Variants in LRRFIP1 observed in about 807,000 individuals in gnomAD.
LRRFIP1 encodes the protein leucine-rich repeat flightless-interacting protein 1.
LRRFIP1 carries 62 observed loss-of-function variants against 104.4 expected under a neutral mutation model. That is an observed-to-expected ratio of 0.59 (90% CI 0.48 to 0.73). LRRFIP1 has a LOEUF of 0.73. Among genes scored for constraint, LRRFIP1 ranks in the 30% least tolerant of loss-of-function variants. LRRFIP1 has a pLI of 0.00. For missense variants in LRRFIP1, 796 were observed against 824.5 expected (o/e 0.97, Z 0.42); for synonymous variants, 300 against 299.0 (o/e 1.00, Z -0.03).
Position 237,691,996 on chromosome 2 carries a change from G to A in LRRFIP1, c.97-16548G>A, listed in dbSNP as rs2092806164. 5.6e-6 allele frequency: 1 copy of A among 179,544 alleles called. No homozygotes were observed. The highest frequency in any genetic ancestry group is 2.6e-5 in the African/African-American group (1 of 39,096). The allele number at this position is 179,544 out of a possible 1,614,324, so 11.1% of individuals were successfully genotyped here. A position where few individuals can be genotyped will look rare whatever the true frequency, so the allele number is the denominator to read the frequency against. On this transcript the variant is annotated intron_variant, in intron 1 of 23. Coordinates refer to ENST00000308482, the MANE Select transcript of LRRFIP1 (RefSeq NM_001137550.2). The surrounding 1 kb of genome is among the most constrained non-coding windows in gnomAD (Gnocchi z 5.4). ...TGGGTGGGGCGGAGCCGGTGGGGGT[G>A]GGGAAAGGGGCGTAACCGGGAGGGA...
intron 6 of LRRFIP1, 92 bp from the exon 7 acceptor site, chr2:237,723,456 T>G: frequency 8.2e-7 from 1 of 1,222,950 alleles, no homozygotes; most frequent in Non-Finnish European, 1.2e-6. Context: ...TTTTAAAGAT[T>G]GCTTGTATTT....
chr2:237,698,219 A>G (rs903859479), intron 1 of LRRFIP1, among the ~76,000 whole-genome samples: 1 of 152,226 alleles, frequency 6.6e-6, no homozygotes. Flanking sequence ...TCAGTGTACA[A>G]ATAATTCACC....
intron 8 of LRRFIP1, among the ~76,000 whole-genome samples, chr2:237,731,963 G>A (rs1213173941): frequency 1.3e-5 from 2 of 152,174 alleles, no homozygotes; most frequent in Non-Finnish European, 2.9e-5. Context: ...CCAGTACGTG[G>A]TGCGTTTAAT....
rs1010432398 is a variant in LRRFIP1, at chr2:237,691,689, C to T, written c.97-16855C>T. Among the ~76,000 whole-genome samples, 1 of 148,766 alleles carries T rather than the reference C, an allele frequency of 6.7e-6. No individual in the cohort carries two copies. The highest frequency in any genetic ancestry group is 1.5e-5 in the Non-Finnish European group (1 of 67,946). On this transcript the variant is annotated intron_variant, in intron 1 of 23. Coordinates refer to ENST00000308482, the MANE Select transcript of LRRFIP1 (RefSeq NM_001137550.2). The surrounding 1 kb of genome is among the most constrained non-coding windows in gnomAD (Gnocchi z 5.4). ...ACCCTCGCCCAGCCCCGGGCAGGTC[C>T]CCCCCCGGAGGGGACCCCCTCTTCG... is the stretch of plus-strand genomic sequence containing the variant.
chr2:237,732,273 G>A (rs1292285864), intron 8 of LRRFIP1, among the ~76,000 whole-genome samples: 3 of 152,064 alleles, frequency 2.0e-5, no homozygotes, highest in African/African-American at 2.4e-5. Flanking sequence ...GTACCTTTGC[G>A]ATGCCGTGAG....
At chr2:237,646,627 A>T (rs1314917269) in intron 1 of LRRFIP1, among the ~76,000 whole-genome samples, 2 of 151,912 alleles carry the variant, frequency 1.3e-5, no homozygotes, top group Non-Finnish European at 2.9e-5. Context: ...TTAAGGTTAA[A>T]TGAGGTCATA....
chr2:237,717,933 C>A lies in LRRFIP1; in HGVS notation c.249+124C>A. On this transcript the variant is annotated intron_variant, in intron 4 of 23. Coordinates refer to ENST00000308482, the MANE Select transcript of LRRFIP1 (RefSeq NM_001137550.2). This position sits in a 1 kb window ranked among gnomAD's most constrained non-coding sequence, Gnocchi z 4.2. ...CTATGTAGATAGATTCCTATTGCAC[C>A]ATAATTTAATACTGAGAGATTTTCT... 1 of 824,858 alleles carries A rather than the reference C, an allele frequency of 1.2e-6. No individual in the cohort carries two copies. Among genetic ancestry groups the A allele is most frequent in the South Asian group, 1.4e-5 (1 of 73,018 alleles). The allele number at this position is 824,858 out of a possible 1,614,324, so 51.1% of individuals were successfully genotyped here. A position where few individuals can be genotyped will look rare whatever the true frequency, so the allele number is the denominator to read the frequency against.
intron 14 of LRRFIP1, among the ~76,000 whole-genome samples, chr2:237,753,064 G>A (rs1197014756): frequency 2.0e-5 from 3 of 152,130 alleles, no homozygotes; most frequent in Non-Finnish European, 4.4e-5. Flanking sequence ...CTGGTATCTC[G>A]TTTGTTCTAA....
chr2:237,729,358 C>T (rs1327464203), intron 8 of LRRFIP1, among the ~76,000 whole-genome samples: 1 of 152,212 alleles, frequency 6.6e-6, no homozygotes, highest in Non-Finnish European at 1.5e-5. Context: ...CTTTCTGGCA[C>T]CCCAGGGCTG....
At chr2:237,768,552 G>A (rs575923224) in intron 19 of LRRFIP1, 3 of 152,242 alleles carry the variant, frequency 2.0e-5, no homozygotes, top group African/African-American at 7.2e-5. Flanking sequence ...GTTCATAACT[G>A]CAAAAATGTT....
At chr2:237,719,200 G>A (rs1198375807) in intron 4 of LRRFIP1, among the ~76,000 whole-genome samples, 1 of 152,164 alleles carries the variant, frequency 6.6e-6, no homozygotes, top group Admixed American at 6.5e-5. Flanking sequence ...CTGAAAGTAA[G>A]GGGAAAAGTA....
At chr2:237,719,951 T>C (rs1171966185) in intron 5 of LRRFIP1, among the ~76,000 whole-genome samples, 2 of 139,122 alleles carry the variant, frequency 1.4e-5, no homozygotes, top group African/African-American at 6.0e-5. Context: ...TTTTTTTTTT[T>C]TTTTTTTTTT....
intron 1 of LRRFIP1, among the ~76,000 whole-genome samples, chr2:237,705,508 C>T (rs1469765482): frequency 1.3e-5 from 2 of 151,968 alleles, no homozygotes; most frequent in Admixed American, 6.6e-5. Flanking sequence ...CAAAAAAATA[C>T]AAAAATTAGC....
rs985086429 is a variant in LRRFIP1 at position 237,766,051 on chromosome 2, C to T, written c.1460-3892C>T. On this transcript the variant is annotated intron_variant, in intron 19 of 23. Transcript: ENST00000308482. The surrounding 1 kb of genome is among the most constrained non-coding windows in gnomAD (Gnocchi z 4.8). ...CCGTGGAAGACCCACGCCTGATGCCCTCCCTCAGTAAGGAATGCACTTCCC... is the reference window on the plus strand; with the variant it reads ...CCGTGGAAGACCCACGCCTGATGCCTTCCCTCAGTAAGGAATGCACTTCCC... 36 of 336,538 alleles carry T rather than the reference C, an allele frequency of 1.1e-4. No individual in the cohort carries two copies. The highest frequency in any genetic ancestry group is 7.1e-4 in the South Asian group (6 of 8,400). The allele number at this position is 336,538 out of a possible 1,614,324, so 20.8% of individuals were successfully genotyped here.
intron 4 of LRRFIP1, among the ~76,000 whole-genome samples, chr2:237,718,393 C>T (rs1338318612): frequency 1.3e-5 from 2 of 152,234 alleles, no homozygotes; most frequent in Admixed American, 6.5e-5. Context: ...CCTTCTCCAC[C>T]TGCTTCCTAG....
intron 1 of LRRFIP1, among the ~76,000 whole-genome samples, chr2:237,676,996 G>A (rs991167354): frequency 6.6e-6 from 1 of 152,194 alleles, no homozygotes; most frequent in Non-Finnish European, 1.5e-5. Flanking sequence ...TAAACAAAAG[G>A]GTAAATTGTT....
intron 8 of LRRFIP1, among the ~76,000 whole-genome samples, chr2:237,732,160 T>G (rs1469453796): frequency 1.3e-5 from 2 of 152,196 alleles, no homozygotes; most frequent in Non-Finnish European, 2.9e-5. Context: ...GGCCCAGCCG[T>G]CTTTATTTCC....
At chr2:237,708,036 G>T (rs941452288) in intron 1 of LRRFIP1, among the ~76,000 whole-genome samples, 4 of 152,202 alleles carry the variant, frequency 2.6e-5, no homozygotes, top group African/African-American at 9.7e-5. Flanking sequence ...CCTCAGATGG[G>T]TCTGGCAGCC....
Position 237,627,678 on chromosome 2 carries a change from C to T in LRRFIP1, c.34C>T (p.Arg12Trp), listed in dbSNP as rs1297566453. 3 of 1,367,864 alleles carry T rather than the reference C, an allele frequency of 2.2e-6. No homozygotes were observed. The highest frequency in any genetic ancestry group is 1.9e-6 in the Non-Finnish European group (2 of 1,048,148). 84.7% of individuals were successfully genotyped at this position (1,367,864 alleles called of 1,614,324 possible). Reference sequence around the variant, plus strand: ...GGGCACCCAGGGATCGGGGCGCAAGCGGCTCCCCAACCGGGAGCGGCTCAC... The same window carrying T: ...GGGCACCCAGGGATCGGGGCGCAAGTGGCTCCCCAACCGGGAGCGGCTCAC... Reference protein sequence around the residue: ...DMGTQGSGRKRLPNRERLTAE... With the variant: ...DMGTQGSGRKWLPNRERLTAE... The change falls in exon 1 of 24, where the codon CGG becomes TGG. Residue 12 changes from arginine (R) to tryptophan (W), a missense_variant. Coordinates refer to ENST00000308482, the MANE Select transcript of LRRFIP1 (RefSeq NM_001137550.2).
Sources: gnomAD v4.1 joint callset for allele counts (sites outside exome capture counted in the v4.1 genomes callset) on GRCh38, gnomAD v4.1.1 for gene constraint, Gnocchi (gnomAD v3.1) non-coding constraint, MANE v1.5 for transcripts, NCBI Gene and HGNC (gene_info 2026-07-23, HGNC 2026-07-21) for gene names.